TNR: variants seen among roughly 807,000 people sequenced by gnomAD.
The protein encoded by TNR is tenascin R.
In TNR, 45 loss-of-function variants were observed where a neutral mutation model predicts 150.4. The observed-to-expected ratio is 0.30, with a 90% CI of 0.24 to 0.38. The LOEUF is 0.38. TNR is among the 10% of genes least tolerant of loss of function. The probability of loss-of-function intolerance (pLI) is 1.00; values close to 1 mark genes in which losing one functional copy is unlikely to be tolerated. For synonymous variants in TNR, 687 were observed against 678.4 expected, an observed-to-expected ratio of 1.01 and a Z score of -0.20; for missense variants, 1,544 against 1,759.1, an observed-to-expected ratio of 0.88 and a Z score of 2.19.
chr1:175,532,279 G>T (rs554781061), intron 1 of TNR, among the ~76,000 whole-genome samples: 1 of 152,320 alleles, frequency 6.6e-6, no homozygotes, highest in African/African-American at 2.4e-5. Context: ...ACAGCAGTTG[G>T]TTGCTGAACA....
At chr1:175,476,666 C>T (rs1490367729) in intron 2 of TNR, among the ~76,000 whole-genome samples, 1 of 152,218 alleles carries the variant, frequency 6.6e-6, no homozygotes, top group Non-Finnish European at 1.5e-5. Flanking sequence ...TTCAGGGGTG[C>T]TGGAAAGTGG....
intron 2 of TNR, among the ~76,000 whole-genome samples, chr1:175,488,823 G>A (rs1156774049): frequency 2.0e-5 from 3 of 152,218 alleles, no homozygotes; most frequent in East Asian, 1.9e-4. Context: ...CCAGGTCCCC[G>A]AAGGGTGGAT....
At chr1:175,698,073 G>A (rs1487549138) in intron 1 of TNR, among the ~76,000 whole-genome samples, 1 of 152,150 alleles carries the variant, frequency 6.6e-6, no homozygotes, top group African/African-American at 2.4e-5. Context: ...CTCATTAGCT[G>A]GACCCTATTC....
Position 175,359,619 on chromosome 1 carries a change from G to A in TNR, c.2967C>T (p.His989=), listed in dbSNP as rs1297616689. The change falls in exon 15 of 23, where the codon CAC becomes CAT. Residue 989 remains histidine (H), a synonymous_variant. Transcript: ENST00000367674. ...EVENYVIVLT[H]FAVAGETILV... Reference sequence around the variant, plus strand: ...AGGCCTGCAGACACCCACCTGCAAAGTGTGTAAGAACAATGACGTAGTTCT... The same window carrying A: ...AGGCCTGCAGACACCCACCTGCAAAATGTGTAAGAACAATGACGTAGTTCT... The A allele has an allele frequency of 6.2e-7, 1 of 1,613,536 alleles. No individual in the cohort carries two copies. Among genetic ancestry groups the A allele is most frequent in the Non-Finnish European group, 8.5e-7 (1 of 1,179,800 alleles).
chr1:175,520,761 G>A (rs371212862), intron 2 of TNR, among the ~76,000 whole-genome samples: 11 of 151,170 alleles, frequency 7.3e-5, no homozygotes, highest in Admixed American at 2.0e-4. Flanking sequence ...AGCCATCCAC[G>A]TTCACCACTT....
intron 1 of TNR, among the ~76,000 whole-genome samples, chr1:175,559,531 T>G (rs1473622626): frequency 3.9e-5 from 6 of 152,208 alleles, no homozygotes; most frequent in African/African-American, 1.4e-4. Flanking sequence ...TTGGTAGTTC[T>G]CACTCCCACG....
intron 1 of TNR, among the ~76,000 whole-genome samples, chr1:175,536,238 T>C (rs1660275509): frequency 6.6e-6 from 1 of 152,222 alleles, no homozygotes; most frequent in African/African-American, 2.4e-5. Flanking sequence ...ATTCGTGTGC[T>C]TCACTAGGCT....
intron 1 of TNR, among the ~76,000 whole-genome samples, chr1:175,720,787 G>A (rs1329004819): frequency 6.6e-6 from 1 of 152,236 alleles, no homozygotes; most frequent in Non-Finnish European, 1.5e-5. Flanking sequence ...TCCAGAGGAA[G>A]CAGATATTCC....
chr1:175,686,908 G>A (rs1445136982), intron 1 of TNR, among the ~76,000 whole-genome samples: 2 of 152,190 alleles, frequency 1.3e-5, no homozygotes. Context: ...CACTTAAGTT[G>A]ATTCCATGAC....
At chr1:175,678,081 C>G (rs1665917249) in intron 1 of TNR, among the ~76,000 whole-genome samples, 1 of 152,088 alleles carries the variant, frequency 6.6e-6, no homozygotes, top group African/African-American at 2.4e-5. Context: ...TTTGTGGCAC[C>G]TGTGATTGGG....
chr1:175,605,084 C>G (rs1663367108), intron 1 of TNR, among the ~76,000 whole-genome samples: 1 of 152,148 alleles, frequency 6.6e-6, no homozygotes, highest in African/African-American at 2.4e-5. Flanking sequence ...TGGTGGGCAG[C>G]ATAGGGAAGG....
intron 1 of TNR, among the ~76,000 whole-genome samples, chr1:175,621,082 C>T (rs949083650): frequency 2.6e-5 from 4 of 152,188 alleles, no homozygotes; most frequent in Admixed American, 1.3e-4. Flanking sequence ...GACGGCATTG[C>T]CATCGTCCTT....
chr1:175,471,416 G>A (rs1019980616), intron 2 of TNR, among the ~76,000 whole-genome samples: 2 of 152,138 alleles, frequency 1.3e-5, no homozygotes, highest in Admixed American at 6.5e-5. Context: ...AGGTGGTAGA[G>A]CCTATTACAC....
intron 19 of TNR, 125 bp from the exon 20 acceptor site, chr1:175,335,932 G>C: frequency 1.3e-6 from 1 of 785,326 alleles, no homozygotes. Flanking sequence ...CAATGACAAA[G>C]ATGTCCAAAG....
intron 2 of TNR, among the ~76,000 whole-genome samples, chr1:175,455,723 G>C (rs859451): frequency 0.68 from 104,138 of 152,076 alleles, 36,977 homozygotes; most frequent in African/African-American, 0.87. Flanking sequence ...AGAGAGGCAA[G>C]AACTTGAGGT....
intron 1 of TNR, among the ~76,000 whole-genome samples, chr1:175,587,155 T>A (rs1176984064): frequency 2.6e-5 from 4 of 152,206 alleles, no homozygotes; most frequent in African/African-American, 9.6e-5. Flanking sequence ...AGGAAAATGC[T>A]CCATGTCCCA....
intron 1 of TNR, among the ~76,000 whole-genome samples, chr1:175,636,513 C>T (rs1046036936): frequency 6.6e-6 from 1 of 152,106 alleles, no homozygotes; most frequent in Non-Finnish European, 1.5e-5. Flanking sequence ...TTACCAATTG[C>T]CAATTCTCTT....
In TNR at chr1:175,330,164, C is replaced by T; in HGVS notation, c.3703G>A (p.Glu1235Lys). 2 of 1,613,692 alleles carry T rather than the reference C, an allele frequency of 1.2e-6. No individual in the cohort carries two copies. The highest frequency in any genetic ancestry group is 8.5e-7 in the Non-Finnish European group (1 of 1,179,632). Residue 1235 changes from glutamate (E) to lysine (K), a missense_variant, in exon 21 of 23, where the codon GAG (glutamate) becomes AAG (lysine). Glu to Lys is a moderately conservative substitution (Grantham distance 56, BLOSUM62 1). Transcript: ENST00000367674. ...ELRVDMRDGQ[E>K]AAFASYDRFS... ...CTGTCGTAGGAGGCGAAGGCGGCCTCTTGGCCATCCCGCATGTCCACGCGC... is the reference window on the plus strand; with the variant it reads ...CTGTCGTAGGAGGCGAAGGCGGCCTTTTGGCCATCCCGCATGTCCACGCGC...
intron 1 of TNR, among the ~76,000 whole-genome samples, chr1:175,607,799 CA>C (rs1458827008): frequency 2.6e-5 from 4 of 152,338 alleles, no homozygotes; most frequent in Non-Finnish European, 5.9e-5. Flanking sequence ...TATACTTATT[CA>C]GTCTCTTTGC....
Sources: gnomAD v4.1 joint callset for allele counts (sites outside exome capture counted in the v4.1 genomes callset) on GRCh38, gnomAD v4.1.1 for gene constraint, MANE v1.5 for transcripts, NCBI Gene and HGNC (gene_info 2026-07-23, HGNC 2026-07-21) for gene names.